MINDY2: variants seen among roughly 807,000 people sequenced by gnomAD.
The protein encoded by MINDY2 is MINDY lysine 48 deubiquitinase 2.
Under a neutral mutation model 68.2 loss-of-function variants are expected in MINDY2, and 52 were observed. The observed-to-expected ratio is 0.76, with a 90% CI of 0.61 to 0.96. The LOEUF is 0.96. Among genes scored for constraint, MINDY2 ranks in the 40% least tolerant of loss-of-function variants. The pLI, the probability that MINDY2 is intolerant of heterozygous loss-of-function variation, is 0.00. For synonymous variants in MINDY2, 372 were observed against 303.0 expected (o/e 1.23, Z -2.36); for missense variants, 881 against 773.4 (o/e 1.14, Z -1.65).
rs1236602268 is a variant in MINDY2, at chr15:58,854,605, T to C, written c.1861T>C (p.Leu621=). 1.2e-6 allele frequency: 2 copies of C among 1,606,912 alleles called. No individual in the cohort carries two copies. Among genetic ancestry groups the C allele is most frequent in the African/African-American group, 1.3e-5 (1 of 74,918 alleles). The change falls in exon 9 of 9, where the codon TTG becomes CTG. Residue 621 remains leucine (L), a synonymous_variant. Coordinates refer to ENST00000559228, the MANE Select transcript of MINDY2 (RefSeq NM_001040450.3). ...KEKEKNSCVI[L] ...AAAGGAAAAAAATAGCTGTGTTATT[T>C]TGTAACAAGTGTTGGCTTCTGTTGG...
At chr15:58,775,236 A>G (rs896997098) in intron 1 of MINDY2, among the ~76,000 whole-genome samples, 1 of 152,248 alleles carries the variant, frequency 6.6e-6, no homozygotes, top group African/African-American at 2.4e-5. Flanking sequence ...TTTAATTTAT[A>G]ATAAGGTAGA....
intron 4 of MINDY2, among the ~76,000 whole-genome samples, chr15:58,820,112 A>T (rs1277066430): frequency 6.6e-6 from 1 of 152,118 alleles, no homozygotes; most frequent in Non-Finnish European, 1.5e-5. Context: ...CTAAAAATAC[A>T]AAAATTAGTT....
chr15:58,854,893 G>T lies in MINDY2; in HGVS notation c.*283G>T. 4.4e-6 allele frequency: 1 copy of T among 226,392 alleles called. No individual in the cohort carries two copies. Among genetic ancestry groups the T allele is most frequent in the African/African-American group, 2.3e-5 (1 of 44,434 alleles). The allele number at this position is 226,392 out of a possible 1,614,324, so 14.0% of individuals were successfully genotyped here. A position where few individuals can be genotyped will look rare whatever the true frequency, so the allele number is the denominator to read the frequency against. Reference sequence around the variant, plus strand: ...AGATTAGCAAATCACAGCAAATTTTGTGTCATAGTGACATTCATAACTCAT... The same window carrying T: ...AGATTAGCAAATCACAGCAAATTTTTTGTCATAGTGACATTCATAACTCAT... On this transcript the variant is annotated 3_prime_UTR_variant, in exon 9 of 9. Coordinates refer to ENST00000559228, the MANE Select transcript of MINDY2 (RefSeq NM_001040450.3).
chr15:58,819,388 C>A (rs1478530371), intron 4 of MINDY2, among the ~76,000 whole-genome samples: 2 of 152,140 alleles, frequency 1.3e-5, no homozygotes, highest in African/African-American at 4.8e-5. Context: ...GTCGAGGCTG[C>A]AGTGGGCTGT....
At chr15:58,793,673 A>G (rs140829555) in intron 2 of MINDY2, among the ~76,000 whole-genome samples, 2 of 152,294 alleles carry the variant, frequency 1.3e-5, no homozygotes, top group South Asian at 4.1e-4. Context: ...AGCCTTAGAT[A>G]GTTCATCCAT....
intron 1 of MINDY2, among the ~76,000 whole-genome samples, chr15:58,776,181 T>C (rs1900758684): frequency 6.6e-6 from 1 of 152,104 alleles, no homozygotes; most frequent in African/African-American, 2.4e-5. Flanking sequence ...TAGTACTACA[T>C]AGAGTAAATA....
At chr15:58,847,854 C>T (rs2032612933) in intron 7 of MINDY2, among the ~76,000 whole-genome samples, 1 of 152,180 alleles carries the variant, frequency 6.6e-6, no homozygotes, top group African/African-American at 2.4e-5. Flanking sequence ...CTGATGATGG[C>T]TTAGCCTTGG....
At position 58,859,670 on chromosome 15, in the gene MINDY2, GGCCAGAT is replaced by G. The variant is rs1373329400; in HGVS notation, c.*5063_*5069del. On this transcript the variant is annotated 3_prime_UTR_variant, in exon 9 of 9. Transcript: ENST00000559228. ...AAAATAGCGATAATGGCATGGGAGA[GGCCAGAT>G]GCAGGACTCTGGTAAATTTAACTTA... is the stretch of plus-strand genomic sequence containing the variant. 1 of 152,128 alleles carries G rather than the reference GGCCAGAT, an allele frequency of 6.6e-6. No homozygotes were observed. Among genetic ancestry groups the G allele is most frequent in the African/African-American group, 2.4e-5 (1 of 41,438 alleles). 9.4% of individuals were successfully genotyped at this position (152,128 alleles called of 1,614,324 possible). A position where few individuals can be genotyped will look rare whatever the true frequency, so the allele number is the denominator to read the frequency against.
intron 2 of MINDY2, among the ~76,000 whole-genome samples, chr15:58,801,802 G>A (rs1194287165): frequency 6.6e-6 from 1 of 152,110 alleles, no homozygotes; most frequent in Non-Finnish European, 1.5e-5. Flanking sequence ...ACCATGCCCG[G>A]CTAATTTTTG....
At chr15:58,809,603 G>C (rs1335707180) in intron 3 of MINDY2, among the ~76,000 whole-genome samples, 3 of 152,158 alleles carry the variant, frequency 2.0e-5, no homozygotes, top group African/African-American at 7.2e-5. Flanking sequence ...CTTCCTCTTT[G>C]ACTTGAAAAA....
intron 1 of MINDY2, among the ~76,000 whole-genome samples, chr15:58,778,538 CAA>C (rs1343168186): frequency 7.1e-6 from 1 of 140,682 alleles, no homozygotes. Context: ...AGACACACAC[CAA>C]AAAAAAAAAC....
intron 5 of MINDY2, 31 bp from the exon 6 acceptor site, chr15:58,831,743 T>G (rs567226668): frequency 1.3e-6 from 2 of 1,558,686 alleles, no homozygotes; most frequent in African/African-American, 1.4e-5. Context: ...GAAATTATTC[T>G]TCTATCTAAT....
chr15:58,806,573 T>G (rs1903026085), intron 3 of MINDY2, among the ~76,000 whole-genome samples: 1 of 152,034 alleles, frequency 6.6e-6, no homozygotes, highest in Non-Finnish European at 1.5e-5. Flanking sequence ...TGGTGTTAAC[T>G]TAGTTGTTTT....
At chr15:58,803,595 T>A (rs1902817606) in intron 3 of MINDY2, among the ~76,000 whole-genome samples, 1 of 151,888 alleles carries the variant, frequency 6.6e-6, no homozygotes, top group African/African-American at 2.4e-5. Context: ...GGTGGATGGG[T>A]CACTTGAGGC....
chr15:58,831,935 T>C lies in MINDY2; in HGVS notation c.1368+19T>C. On this transcript the variant is annotated intron_variant, in intron 6 of 8. Coordinates refer to ENST00000559228, the MANE Select transcript of MINDY2 (RefSeq NM_001040450.3). ...ATACAAGGTATGATATAGAAATAGC[T>C]ATTTAATCGTGATTCTAAATCAAAG... The C allele has an allele frequency of 6.3e-6, 10 of 1,595,722 alleles. No individual in the cohort carries two copies. The highest frequency in any genetic ancestry group is 1.8e-5 in the Admixed American group (1 of 55,706).
chr15:58,771,561 GC>G lies in MINDY2; in HGVS notation c.167del (p.Ala56GlyfsTer32). ...AETSGGNGLG[A>X]AAARRSLPDS... ...GACCAGCGGCGGGAATGGGCTGGGG[GC>G]GGCGGCCGCCAGGAGGAGCCTCCCG... On this transcript the variant is annotated frameshift_variant, in exon 1 of 9. Coordinates refer to ENST00000559228, the MANE Select transcript of MINDY2 (RefSeq NM_001040450.3). LOFTEE classifies it high-confidence loss of function. 1.2e-6 allele frequency: 2 copies of G among 1,611,230 alleles called. No homozygotes were observed. Among genetic ancestry groups the G allele is most frequent in the Non-Finnish European group, 1.7e-6 (2 of 1,179,516 alleles).
At chr15:58,799,736 T>C (rs1262651759) in intron 2 of MINDY2, among the ~76,000 whole-genome samples, 1 of 152,212 alleles carries the variant, frequency 6.6e-6, no homozygotes, top group East Asian at 1.9e-4. Context: ...TTTCTGTCAC[T>C]AGAATATGAG....
intron 7 of MINDY2, among the ~76,000 whole-genome samples, chr15:58,851,165 G>T (rs1044309981): frequency 6.7e-6 from 1 of 149,022 alleles, no homozygotes; most frequent in African/African-American, 2.5e-5. Flanking sequence ...ATAGAGACGG[G>T]GTTGTACCAT....
At chr15:58,774,938 C>T (rs1364155971) in intron 1 of MINDY2, among the ~76,000 whole-genome samples, 3 of 152,084 alleles carry the variant, frequency 2.0e-5, no homozygotes, top group African/African-American at 7.2e-5. Context: ...CTGTGGTTAT[C>T]AGTGTTTTTT....
Sources: allele counts gnomAD v4.1 joint callset (sites outside exome capture counted in the v4.1 genomes callset), GRCh38; gene constraint gnomAD v4.1.1; transcripts MANE v1.5; gene names NCBI Gene and HGNC (gene_info 2026-07-23, HGNC 2026-07-21).